CNTLN: variants seen among roughly 807,000 people sequenced by gnomAD.
CNTLN encodes centlein.
A neutral mutation model predicts 180.0 loss-of-function variants in CNTLN; 212 were observed. The observed-to-expected ratio is 1.18, with a 90% confidence interval of 1.05 to 1.32. The LOEUF is 1.32. Ranked by LOEUF, CNTLN falls within the 40% of genes most tolerant of loss-of-function variation. The probability of loss-of-function intolerance (pLI) is 0.00; values close to 1 mark genes in which losing one functional copy is unlikely to be tolerated. For missense variants in CNTLN, 2,095 were observed against 1,610.9 expected (o/e 1.30, Z -5.14); for synonymous variants, 722 against 563.1 (o/e 1.28, Z -3.99).
chr9:17,380,587 A>G (rs1825165401), intron 13 of CNTLN, among the ~76,000 whole-genome samples: 1 of 152,188 alleles, frequency 6.6e-6, no homozygotes, highest in Admixed American at 6.5e-5. Context: ...TGTGCCAGGT[A>G]AAACCTTTGT....
intron 18 of CNTLN, chr9:17,448,563 A>T (rs893896838): frequency 6.6e-6 from 1 of 152,230 alleles, no homozygotes. Context: ...TCCTGCTGCC[A>T]CCTCATAGAG....
intron 5 of CNTLN, among the ~76,000 whole-genome samples, chr9:17,245,366 C>G (rs1030033997): frequency 2.0e-5 from 3 of 149,282 alleles, no homozygotes; most frequent in Non-Finnish European, 4.4e-5. Flanking sequence ...TCATGACACT[C>G]TCTCCTGGCC....
At chr9:17,527,562 G>T in the CNTLN span, among the ~76,000 whole-genome samples, 4 of 152,114 alleles carry the variant, frequency 2.6e-5, no homozygotes, top group African/African-American at 9.7e-5. Flanking sequence ...TCTTACTGGT[G>T]GAGTGGGTAC....
At chr9:17,365,015 G>A (rs1823695658) in intron 12 of CNTLN, among the ~76,000 whole-genome samples, 2 of 152,116 alleles carry the variant, frequency 1.3e-5, no homozygotes, top group Admixed American at 6.6e-5. Flanking sequence ...TTTTCTCCCA[G>A]TTTCCTGTCG....
chr9:17,289,677 G>A (rs1450825365), intron 6 of CNTLN, among the ~76,000 whole-genome samples: 14 of 132,458 alleles, frequency 1.1e-4, no homozygotes, highest in African/African-American at 3.2e-4. Flanking sequence ...TTTTCACATA[G>A]TCCCATATTT....
intron 15 of CNTLN, among the ~76,000 whole-genome samples, chr9:17,396,616 A>G (rs1826546464): frequency 6.6e-6 from 1 of 152,162 alleles, no homozygotes; most frequent in Non-Finnish European, 1.5e-5. Context: ...AGAACTGAAA[A>G]TTACCTTAAA....
intron 13 of CNTLN, among the ~76,000 whole-genome samples, chr9:17,375,729 T>G (rs1282260344): frequency 6.6e-6 from 1 of 151,494 alleles, no homozygotes; most frequent in African/African-American, 2.4e-5. Context: ...AATCAAAATC[T>G]TAGAGTTAGA....
intron 1 of CNTLN, among the ~76,000 whole-genome samples, chr9:17,141,471 C>T (rs1261249096): frequency 6.6e-6 from 1 of 151,966 alleles, no homozygotes; most frequent in Non-Finnish European, 1.5e-5. Context: ...TCAAGTAGAG[C>T]AAGTAGAGTA....
intron 13 of CNTLN, among the ~76,000 whole-genome samples, chr9:17,376,355 A>G (rs548013871): frequency 6.6e-6 from 1 of 152,306 alleles, no homozygotes; most frequent in South Asian, 2.1e-4. Flanking sequence ...AAAAAGAAGA[A>G]AGCAAAGAAA....
At position 17,466,869 on chromosome 9, in the gene CNTLN, A is replaced by C. The variant is rs747084480; in HGVS notation, c.3833A>C (p.Glu1278Ala). Residue 1278 changes from glutamate to alanine, a missense_variant, in exon 23 of 26, where the codon GAA (glutamate) becomes GCA (alanine). Glu to Ala is a moderately radical substitution (Grantham distance 107, BLOSUM62 -1). Coordinates refer to ENST00000380647, the MANE Select transcript of CNTLN (RefSeq NM_017738.4). ...KTLLLANEKV[E>A]EFTTFVKALA... Reference sequence around the variant, plus strand: ...TTGCTGTTAGCCAATGAAAAAGTAGAAGAGTTCACCACATTTGTGAAGGTT... The same window carrying C: ...TTGCTGTTAGCCAATGAAAAAGTAGCAGAGTTCACCACATTTGTGAAGGTT... 5 of 1,609,610 alleles carry C rather than the reference A, an allele frequency of 3.1e-6. No homozygotes were observed. The East Asian group carries it at 1.1e-4, about 36-fold the overall frequency.
intron 5 of CNTLN, among the ~76,000 whole-genome samples, chr9:17,240,730 G>A (rs1445706358): frequency 6.6e-6 from 1 of 151,982 alleles, no homozygotes; most frequent in Non-Finnish European, 1.5e-5. Flanking sequence ...TCTTTGCTGT[G>A]CGGAAGCTTT....
chr9:17,138,923 C>T (rs1490785931), intron 1 of CNTLN, among the ~76,000 whole-genome samples: 3 of 152,058 alleles, frequency 2.0e-5, no homozygotes, highest in East Asian at 1.9e-4. Flanking sequence ...ACCAATCCAC[C>T]TCCAGGGAAA....
chr9:17,270,384 C>A (rs1362314335), intron 5 of CNTLN, among the ~76,000 whole-genome samples: 1 of 151,824 alleles, frequency 6.6e-6, no homozygotes, highest in African/African-American at 2.4e-5. Context: ...ATATTTTTTT[C>A]CTTTAATCTC....
chr9:17,344,419 C>T (rs934695758), intron 12 of CNTLN, among the ~76,000 whole-genome samples: 3 of 152,014 alleles, frequency 2.0e-5, no homozygotes, highest in African/African-American at 7.2e-5. Flanking sequence ...TAAAAGAATG[C>T]TAAAGAATGG....
intron 2 of CNTLN, among the ~76,000 whole-genome samples, chr9:17,181,463 A>G (rs1208857373): frequency 1.3e-5 from 2 of 152,090 alleles, no homozygotes; most frequent in Non-Finnish European, 2.9e-5. Context: ...TCATTGAAGC[A>G]TTTTCATTAT....
At chr9:17,287,796 G>C (rs1284763834) in intron 6 of CNTLN, among the ~76,000 whole-genome samples, 1 of 147,026 alleles carries the variant, frequency 6.8e-6, no homozygotes, top group African/African-American at 2.6e-5. Context: ...TATTTGCGTA[G>C]AGGTGTTTGT....
intron 2 of CNTLN, among the ~76,000 whole-genome samples, chr9:17,194,812 A>T (rs1822020116): frequency 6.6e-6 from 1 of 152,216 alleles, no homozygotes; most frequent in African/African-American, 2.4e-5. Flanking sequence ...ACTGGGAAGA[A>T]AAAGAAGTTT....
chr9:17,307,549 C>T (rs372453279), intron 7 of CNTLN, among the ~76,000 whole-genome samples: 22 of 151,932 alleles, frequency 1.4e-4, no homozygotes, highest in African/African-American at 4.4e-4. Context: ...GGATTACAGG[C>T]GTGAGCCACC....
intron 5 of CNTLN, among the ~76,000 whole-genome samples, chr9:17,257,379 T>A (rs1032973258): frequency 6.6e-6 from 1 of 152,132 alleles, no homozygotes; most frequent in African/African-American, 2.4e-5. Context: ...TCTATCATTG[T>A]TGGACATTTG....
Sources: allele counts gnomAD v4.1 joint callset (sites outside exome capture counted in the v4.1 genomes callset), GRCh38; gene constraint gnomAD v4.1.1; transcripts MANE v1.5; gene names NCBI Gene and HGNC (gene_info 2026-07-23, HGNC 2026-07-21).